Variants in GGNBP2 observed in about 807,000 individuals in gnomAD.
GGNBP2 encodes the protein gametogenetin-binding protein 2.
GGNBP2 carries 10 observed loss-of-function variants against 85.9 expected under a neutral mutation model. The observed-to-expected ratio is 0.12, with a 90% CI of 0.07 to 0.20. The LOEUF (loss-of-function observed/expected upper bound fraction) is 0.20. GGNBP2 is among the 10% of genes least tolerant of loss of function. The probability of loss-of-function intolerance (pLI) is 1.00; values close to 1 mark genes in which losing one functional copy is unlikely to be tolerated. For synonymous variants in GGNBP2, 287 were observed against 285.7 expected, an observed-to-expected ratio of 1.00 and a Z score of -0.05; for missense variants, 595 against 857.8, an observed-to-expected ratio of 0.69 and a Z score of 3.83.
chr17:36,550,815 C>A (rs1452933145), intron 2 of GGNBP2, among the ~76,000 whole-genome samples: 1 of 152,206 alleles, frequency 6.6e-6, no homozygotes, highest in Non-Finnish European at 1.5e-5. Flanking sequence ...CTTTACAGGA[C>A]TGTCTTCCTT....
chr17:36,554,954 C>G (rs892292095), intron 3 of GGNBP2, 54 bp downstream of exon 3: 5 of 1,070,970 alleles, frequency 4.7e-6, no homozygotes, highest in Non-Finnish European at 7.2e-6. Context: ...TTTAAAGACT[C>G]ATTTAAAATT....
chr17:36,566,106 G>A (rs778795369), intron 5 of GGNBP2, among the ~76,000 whole-genome samples: 9 of 152,182 alleles, frequency 5.9e-5, no homozygotes, highest in Admixed American at 1.3e-4. Flanking sequence ...AAGTTCAGAG[G>A]TTTTTCCGTC....
intron 2 of GGNBP2, 31 bp downstream of exon 2, chr17:36,545,848 G>A: frequency 6.8e-7 from 1 of 1,461,630 alleles, no homozygotes; most frequent in Non-Finnish European, 9.4e-7. Flanking sequence ...TGGGCCCGCC[G>A]CTCCCCTGGC....
At chr17:36,562,522 A>AT (rs374250202) in intron 5 of GGNBP2, among the ~76,000 whole-genome samples, 4,116 of 132,382 alleles carry the variant, frequency 0.031, 67 homozygotes, top group Non-Finnish European at 0.047. Context: ...CCTTTTTTTG[A>AT]TTTTTTTTTT....
At chr17:36,585,188 A>G (rs928312876) in intron 9 of GGNBP2, 112 bp from the exon 10 acceptor site, 2 of 861,006 alleles carry the variant, frequency 2.3e-6, no homozygotes, top group African/African-American at 3.4e-5. Flanking sequence ...ATGTCAGTAC[A>G]GTGAAAATGC....
intron 9 of GGNBP2, among the ~76,000 whole-genome samples, chr17:36,583,351 G>A (rs985628230): frequency 6.6e-6 from 1 of 151,184 alleles, no homozygotes; most frequent in East Asian, 2.0e-4. Flanking sequence ...CGCGCCTGAC[G>A]GAATATACTA....
At chr17:36,545,872 C>G in intron 2 of GGNBP2, 55 bp downstream of exon 2, 1 of 1,229,252 alleles carries the variant, frequency 8.1e-7, no homozygotes, top group Non-Finnish European at 1.2e-6. Context: ...TGTTTCCCCT[C>G]CTCCCCCTCC....
At position 36,586,199 on chromosome 17, in the gene GGNBP2, G is replaced by GT; in HGVS notation, c.1641+2dup. On this transcript the variant is annotated splice_donor_variant, in intron 12 of 13. Coordinates refer to ENST00000613102, the MANE Select transcript of GGNBP2 (RefSeq NM_024835.5). LOFTEE classifies it high-confidence loss of function. ...CAAGATACTGAAATGTGATGAACAT[G>GT]TAAGTGTCATAACTTGTAATTCTTA... is the stretch of plus-strand genomic sequence containing the variant. The GT allele has an allele frequency of 6.2e-7, 1 of 1,610,344 alleles. No individual in the cohort carries two copies. The highest frequency in any genetic ancestry group is 8.5e-7 in the Non-Finnish European group (1 of 1,179,480).
intron 6 of GGNBP2, chr17:36,575,406 C>G (rs1369677949): frequency 3.8e-6 from 1 of 266,404 alleles, no homozygotes; most frequent in Non-Finnish European, 7.3e-6. Flanking sequence ...GAAATCATCA[C>G]TTAGTCCAGT....
At chr17:36,564,410 T>A (rs1048193133) in intron 5 of GGNBP2, among the ~76,000 whole-genome samples, 2 of 152,222 alleles carry the variant, frequency 1.3e-5, no homozygotes, top group South Asian at 2.1e-4. Flanking sequence ...TTACCTACTT[T>A]TGTTAAATTT....
At chr17:36,553,384 TAAATC>T (rs772696303) in intron 2 of GGNBP2, among the ~76,000 whole-genome samples, 19 of 152,222 alleles carry the variant, frequency 1.2e-4, no homozygotes, top group Non-Finnish European at 2.5e-4. Flanking sequence ...GAAAAACTCT[TAAATC>T]TATTGCTTAC....
intron 2 of GGNBP2, chr17:36,546,526 C>G (rs2074257093): frequency 6.6e-6 from 1 of 152,086 alleles, no homozygotes; most frequent in Non-Finnish European, 1.5e-5. Context: ...TGTCAAGACC[C>G]AGTTCCGGGT....
At chr17:36,559,836 C>T (rs1555604775) in intron 4 of GGNBP2, among the ~76,000 whole-genome samples, 1 of 151,950 alleles carries the variant, frequency 6.6e-6, no homozygotes, top group Non-Finnish European at 1.5e-5. Context: ...TTTATTCTAT[C>T]TTATTTATTA....
chr17:36,553,989 C>T (rs866314767), intron 2 of GGNBP2, among the ~76,000 whole-genome samples: 8 of 152,014 alleles, frequency 5.3e-5, no homozygotes, highest in African/African-American at 1.7e-4. Flanking sequence ...ATCAATGTGC[C>T]CTTTTTGTTC....
chr17:36,545,736 C>T lies in GGNBP2; in HGVS notation c.12C>T (p.Leu4=), dbSNP rs759745331. ...CAGCGTCGGGGACGATGGCGCGACT[C>T]GTGGCAGTGTGCAGGGACGGGGAGG... MAR[L]VAVCRDGEEE... is the part of the protein sequence containing the mutation. Residue 4 remains leucine, a synonymous_variant, in exon 2 of 14, where the codon CTC becomes CTT. Transcript: ENST00000613102. The T allele has an allele frequency of 1.3e-6, 2 of 1,573,060 alleles. No individual in the cohort carries two copies. The highest frequency in any genetic ancestry group is 2.4e-5 in the East Asian group (1 of 41,996).
intron 6 of GGNBP2, among the ~76,000 whole-genome samples, chr17:36,575,648 A>ATATATATATATATATATTTT (rs374366757): frequency 5.5e-5 from 3 of 54,914 alleles, no homozygotes; most frequent in Non-Finnish European, 8.6e-5. Context: ...ATATATATAT[A>ATATATATATATATATATTTT]TTTTTTTTTT....
At chr17:36,580,276 C>T (rs1185822269) in intron 8 of GGNBP2, among the ~76,000 whole-genome samples, 5 of 149,410 alleles carry the variant, frequency 3.3e-5, no homozygotes, top group African/African-American at 4.9e-5. Context: ...GGCATGATCT[C>T]GGCTCACTGC....
At chr17:36,556,664 A>G (rs979637675) in intron 3 of GGNBP2, among the ~76,000 whole-genome samples, 6 of 151,508 alleles carry the variant, frequency 4.0e-5, no homozygotes, top group African/African-American at 1.5e-4. Context: ...AGATTGTGCT[A>G]CTGCACTCCA....
intron 5 of GGNBP2, among the ~76,000 whole-genome samples, chr17:36,562,457 C>T (rs1348816114): frequency 6.6e-6 from 1 of 151,804 alleles, no homozygotes; most frequent in Non-Finnish European, 1.5e-5. Context: ...GCGTGAGCCA[C>T]TGCACCTGGC....
Sources: gnomAD v4.1 joint callset for allele counts (sites outside exome capture counted in the v4.1 genomes callset) on GRCh38, gnomAD v4.1.1 for gene constraint, MANE v1.5 for transcripts, NCBI Gene and HGNC (gene_info 2026-07-23, HGNC 2026-07-21) for gene names.